GPC6: variants seen among roughly 807,000 people sequenced by gnomAD.
GPC6 encodes the protein glypican-6.
In GPC6, 14 loss-of-function variants were observed where a neutral mutation model predicts 55.2. That is an observed-to-expected ratio of 0.25 (90% CI 0.17 to 0.40). GPC6 has a LOEUF of 0.40. GPC6 is among the 10% of genes least tolerant of loss of function. The probability of loss-of-function intolerance (pLI) is 1.00; values close to 1 mark genes in which losing one functional copy is unlikely to be tolerated. For synonymous variants in GPC6, 278 were observed against 259.6 expected (o/e 1.07, Z -0.68); for missense variants, 641 against 708.5 (o/e 0.90, Z 1.08).
At chr13:94,232,536 TG>T (rs1566572699) in intron 4 of GPC6, among the ~76,000 whole-genome samples, 1 of 151,130 alleles carries the variant, frequency 6.6e-6, no homozygotes, top group African/African-American at 2.4e-5. Context: ...GGGTTTTTTT[TG>T]GGGGGGTGGG....
intron 2 of GPC6, among the ~76,000 whole-genome samples, chr13:93,664,358 G>A (rs1192430112): frequency 6.6e-6 from 1 of 151,904 alleles, no homozygotes; most frequent in Non-Finnish European, 1.5e-5. Context: ...GAACTTTTTC[G>A]TTTTTATTTT....
intron 4 of GPC6, among the ~76,000 whole-genome samples, chr13:94,032,719 A>G (rs1883187657): frequency 6.6e-6 from 1 of 152,306 alleles, no homozygotes; most frequent in East Asian, 1.9e-4. Context: ...AGCCGCTAGT[A>G]TTTTTAAATT....
At chr13:93,787,447 C>T (rs1024557877) in intron 2 of GPC6, among the ~76,000 whole-genome samples, 4 of 152,190 alleles carry the variant, frequency 2.6e-5, no homozygotes, top group African/African-American at 9.6e-5. Context: ...CAGATTTGGC[C>T]TTCAGTCCAT....
At chr13:93,780,282 A>T (rs928728535) in intron 2 of GPC6, among the ~76,000 whole-genome samples, 1 of 152,064 alleles carries the variant, frequency 6.6e-6, no homozygotes, top group Non-Finnish European at 1.5e-5. Context: ...AAGCAAAAAA[A>T]AACACATTGT....
chr13:94,209,165 C>T (rs1368954701), intron 4 of GPC6, among the ~76,000 whole-genome samples: 8 of 152,084 alleles, frequency 5.3e-5, no homozygotes, highest in Non-Finnish European at 1.0e-4. Context: ...GATTCCCTGG[C>T]CTCTGCAGAC....
At chr13:93,403,460 G>A (rs1043012948) in intron 1 of GPC6, among the ~76,000 whole-genome samples, 16 of 152,150 alleles carry the variant, frequency 1.1e-4, no homozygotes, top group African/African-American at 3.6e-4. Context: ...ACCGTAGACA[G>A]CTATTCATTT....
At chr13:93,482,846 C>T (rs781631653) in intron 1 of GPC6, among the ~76,000 whole-genome samples, 18 of 152,192 alleles carry the variant, frequency 1.2e-4, no homozygotes, top group African/African-American at 2.9e-4. Context: ...TTTCATTTTA[C>T]GCAATTTACC....
chr13:93,218,346 G>T, the GPC6 span, among the ~76,000 whole-genome samples: 1 of 152,130 alleles, frequency 6.6e-6, no homozygotes, highest in Non-Finnish European at 1.5e-5. Context: ...AGAATTCTCT[G>T]TGGCTGATAA....
chr13:93,286,231 A>G (rs976124116), intron 1 of GPC6, among the ~76,000 whole-genome samples: 2 of 152,178 alleles, frequency 1.3e-5, no homozygotes, highest in African/African-American at 4.8e-5. Flanking sequence ...TTATAAAACC[A>G]TCAGATCTCA....
At chr13:93,547,387 C>A (rs955652093) in intron 2 of GPC6, among the ~76,000 whole-genome samples, 2 of 151,880 alleles carry the variant, frequency 1.3e-5, no homozygotes, top group South Asian at 2.1e-4. Flanking sequence ...CAAAACAAGA[C>A]GAGCCTTATA....
intron 1 of GPC6, among the ~76,000 whole-genome samples, chr13:93,365,073 C>G (rs892437930): frequency 1.3e-5 from 2 of 152,080 alleles, no homozygotes; most frequent in East Asian, 3.9e-4. Context: ...ACCCCCATGT[C>G]AATGAAAAGT....
At chr13:94,357,409 C>G (rs74633671) in intron 6 of GPC6, among the ~76,000 whole-genome samples, 7,573 of 152,206 alleles carry the variant, frequency 0.05, 615 homozygotes, top group African/African-American at 0.17. Flanking sequence ...TTGGCAGACC[C>G]AGGACCCCTA....
chr13:94,046,312 G>A (rs1883731581), intron 4 of GPC6, among the ~76,000 whole-genome samples: 1 of 151,992 alleles, frequency 6.6e-6, no homozygotes. Context: ...GGGCCACATT[G>A]CTTTGAACGT....
chr13:93,277,740 C>A (rs1877805633), intron 1 of GPC6, among the ~76,000 whole-genome samples: 1 of 152,090 alleles, frequency 6.6e-6, no homozygotes, highest in Admixed American at 6.6e-5. Context: ...TGGTAAATAT[C>A]TTTTCAATGT....
intron 2 of GPC6, among the ~76,000 whole-genome samples, chr13:93,720,214 G>A (rs779335702): frequency 3.5e-4 from 53 of 151,928 alleles, no homozygotes; most frequent in Admixed American, 1.1e-3. Context: ...TCTGGTCCTG[G>A]TTGGTAGGCT....
Position 93,482,953 on chromosome 13 carries a change from A to C in GPC6, c.161-62310A>C, listed in dbSNP as rs150601419. On this transcript the variant is annotated intron_variant, in intron 1 of 8. Coordinates refer to ENST00000377047, the MANE Select transcript of GPC6 (RefSeq NM_005708.5). ...TAAGTCTGCTTGCATTTTAGAGTAC[A>C]AGAGTGCATAGCTGGTTTTCCTTAG... Among the ~76,000 whole-genome samples, 28 of 152,250 alleles carry C rather than the reference A, an allele frequency of 1.8e-4. No individual in the cohort carries two copies. The East Asian group carries it at 3.5e-3, about 19-fold the overall frequency.
At chr13:94,158,388 A>T (rs962199728) in intron 4 of GPC6, among the ~76,000 whole-genome samples, 11 of 151,806 alleles carry the variant, frequency 7.2e-5, no homozygotes, top group African/African-American at 2.7e-4. Flanking sequence ...TTTAAAAAAA[A>T]AAAAAGACTA....
At chr13:94,159,966 A>C (rs1888096582) in intron 4 of GPC6, among the ~76,000 whole-genome samples, 1 of 152,150 alleles carries the variant, frequency 6.6e-6, no homozygotes, top group South Asian at 2.1e-4. Flanking sequence ...GCTTTATGAC[A>C]GTTTATATAG....
intron 1 of GPC6, among the ~76,000 whole-genome samples, chr13:93,288,012 C>T (rs1441024724): frequency 3.3e-5 from 5 of 152,030 alleles, no homozygotes; most frequent in African/African-American, 4.8e-5. Context: ...TAAGCTTCAT[C>T]GGTTTTGATT....
Sources: gnomAD v4.1 joint callset for allele counts (sites outside exome capture counted in the v4.1 genomes callset) on GRCh38, gnomAD v4.1.1 for gene constraint, MANE v1.5 for transcripts, NCBI Gene and HGNC (gene_info 2026-07-23, HGNC 2026-07-21) for gene names.